ROBO1: variants seen among roughly 807,000 people sequenced by gnomAD.
ROBO1 encodes the protein roundabout guidance receptor 1.
A neutral mutation model predicts 195.9 loss-of-function variants in ROBO1; 149 were observed. The observed-to-expected ratio is 0.76, with a 90% CI of 0.67 to 0.87. ROBO1 has a LOEUF of 0.87. Ranked by LOEUF, ROBO1 falls within the 40% of genes least tolerant of loss-of-function variation. ROBO1 has a pLI of 0.00. For missense variants in ROBO1, 1,933 were observed against 2,068.3 expected, an observed-to-expected ratio of 0.93 and a Z score of 1.27; for synonymous variants, 816 against 733.2, an observed-to-expected ratio of 1.11 and a Z score of -1.82.
At chr3:79,052,055 C>A (rs563265860) in intron 3 of ROBO1, among the ~76,000 whole-genome samples, 35 of 152,090 alleles carry the variant, frequency 2.3e-4, no homozygotes, top group Non-Finnish European at 4.1e-4. Flanking sequence ...TCAGGGAACA[C>A]GGGAGATAAC....
intron 2 of ROBO1, among the ~76,000 whole-genome samples, chr3:79,273,055 A>C (rs931086172): frequency 6.6e-6 from 1 of 152,090 alleles, no homozygotes; most frequent in African/African-American, 2.4e-5. Flanking sequence ...TTCGCAGACA[A>C]ACAAAAGCTG....
At chr3:79,364,060 C>T (rs368972192) in intron 2 of ROBO1, among the ~76,000 whole-genome samples, 1 of 151,746 alleles carries the variant, frequency 6.6e-6, no homozygotes, top group African/African-American at 2.4e-5. Context: ...AAAAATTGGC[C>T]AGGCGTGGTG....
At chr3:79,751,435 T>C (rs535272162) in intron 1 of ROBO1, among the ~76,000 whole-genome samples, 1 of 152,250 alleles carries the variant, frequency 6.6e-6, no homozygotes, top group East Asian at 1.9e-4. Context: ...ATTTAAAAAT[T>C]CAATATATCC....
chr3:79,058,878 G>A (rs1466328686), intron 3 of ROBO1, among the ~76,000 whole-genome samples: 3 of 152,044 alleles, frequency 2.0e-5, no homozygotes, highest in East Asian at 3.9e-4. Context: ...TTTAATCGCT[G>A]TTATAATGGG....
At chr3:79,288,356 A>T (rs2032019892) in intron 2 of ROBO1, among the ~76,000 whole-genome samples, 1 of 152,186 alleles carries the variant, frequency 6.6e-6, no homozygotes, top group Non-Finnish European at 1.5e-5. Flanking sequence ...AAGTTTAAAG[A>T]TAGAACTTCC....
At chr3:79,424,016 T>C (rs2038339627) in intron 2 of ROBO1, among the ~76,000 whole-genome samples, 1 of 152,046 alleles carries the variant, frequency 6.6e-6, no homozygotes, top group African/African-American at 2.4e-5. Context: ...TTTGTTTCTA[T>C]AAATATATGA....
intron 4 of ROBO1, among the ~76,000 whole-genome samples, chr3:78,899,794 A>G (rs2037474017): frequency 6.6e-6 from 1 of 152,150 alleles, no homozygotes; most frequent in Non-Finnish European, 1.5e-5. Context: ...TAAAAATAAT[A>G]TTACCTAAAA....
At chr3:78,848,252 A>C (rs1176955137) in intron 4 of ROBO1, among the ~76,000 whole-genome samples, 2 of 152,198 alleles carry the variant, frequency 1.3e-5, no homozygotes, top group Non-Finnish European at 2.9e-5. Context: ...AAAAAGCTAC[A>C]TCACAACTTC....
intron 2 of ROBO1, among the ~76,000 whole-genome samples, chr3:79,551,830 G>A (rs1942523215): frequency 6.6e-6 from 1 of 151,630 alleles, no homozygotes; most frequent in Admixed American, 6.6e-5. Flanking sequence ...CTCTCTTCAG[G>A]CACATAAGGT....
intron 4 of ROBO1, among the ~76,000 whole-genome samples, chr3:78,858,388 G>A (rs1015691960): frequency 1.3e-5 from 2 of 151,998 alleles, no homozygotes; most frequent in African/African-American, 4.8e-5. Flanking sequence ...CCCAAACAAT[G>A]TCATGAATCA....
intron 2 of ROBO1, among the ~76,000 whole-genome samples, chr3:79,238,650 T>A (rs1401113914): frequency 6.6e-6 from 1 of 152,210 alleles, no homozygotes; most frequent in Non-Finnish European, 1.5e-5. Context: ...TGACATAGTT[T>A]TAAGTGCTTG....
chr3:78,614,694 T>A lies in ROBO1; in HGVS notation c.4389A>T (p.Lys1463Asn). The part of the protein sequence containing the change: ...AVMQKTRPAK[K>N]LKHQPGHLRR... ...GCAGATGTCCTGGCTGGTGTTTCAG[T>A]TTCTTGGCTGGTCTGGTTTTCTGCA... is the stretch of plus-strand genomic sequence containing the variant. Residue 1463 changes from lysine (K) to asparagine (N), a missense_variant, in exon 28 of 31, where the codon AAA becomes AAT. By Grantham distance (94) the Lys-to-Asn change is moderately conservative. Transcript: ENST00000464233. 1 of 1,613,824 alleles carries A rather than the reference T, an allele frequency of 6.2e-7. No homozygotes were observed. Among genetic ancestry groups the A allele is most frequent in the Non-Finnish European group, 8.5e-7 (1 of 1,179,848 alleles).
chr3:79,144,190 T>C (rs2080593268), intron 2 of ROBO1, among the ~76,000 whole-genome samples: 1 of 152,100 alleles, frequency 6.6e-6, no homozygotes. Context: ...TAAATATACA[T>C]TTTCATTTCT....
At chr3:79,275,010 A>G (rs1445524781) in intron 2 of ROBO1, among the ~76,000 whole-genome samples, 1 of 151,976 alleles carries the variant, frequency 6.6e-6, no homozygotes, top group Non-Finnish European at 1.5e-5. Flanking sequence ...TCAGCAGAGA[A>G]ATGCTCAGGA....
chr3:79,105,744 G>T (rs375399027), intron 3 of ROBO1, among the ~76,000 whole-genome samples: 1 of 151,706 alleles, frequency 6.6e-6, no homozygotes, highest in African/African-American at 2.4e-5. Context: ...GTGTCATCAT[G>T]TGTATGTAAT....
chr3:78,864,930 T>C (rs1442203215), intron 4 of ROBO1, among the ~76,000 whole-genome samples: 1 of 152,200 alleles, frequency 6.6e-6, no homozygotes, highest in Non-Finnish European at 1.5e-5. Flanking sequence ...AAAATGGCTA[T>C]AATTTTCTTT....
chr3:79,699,266 T>C (rs988817758), intron 1 of ROBO1, among the ~76,000 whole-genome samples: 1 of 151,358 alleles, frequency 6.6e-6, no homozygotes, highest in Non-Finnish European at 1.5e-5. Flanking sequence ...TAATATATGG[T>C]ATGGAATTTT....
At chr3:78,867,681 T>C (rs2035266933) in intron 4 of ROBO1, among the ~76,000 whole-genome samples, 1 of 152,162 alleles carries the variant, frequency 6.6e-6, no homozygotes, top group Admixed American at 6.5e-5. Context: ...TCCGGATATC[T>C]ATACACTGCA....
At chr3:79,186,196 C>G (rs1559720906) in intron 2 of ROBO1, among the ~76,000 whole-genome samples, 1 of 152,200 alleles carries the variant, frequency 6.6e-6, no homozygotes, top group East Asian at 1.9e-4. Context: ...ACTTTATTTG[C>G]TCTTGCACAT....
Sources: gnomAD v4.1 joint callset for allele counts (sites outside exome capture counted in the v4.1 genomes callset) on GRCh38, gnomAD v4.1.1 for gene constraint, MANE v1.5 for transcripts, NCBI Gene and HGNC (gene_info 2026-07-23, HGNC 2026-07-21) for gene names.